The following TULP4 variants were observed in gnomAD, a reference collection of about 807,000 sequenced individuals.
TULP4 encodes the protein tubby-related protein 4.
A neutral mutation model predicts 129.0 loss-of-function variants in TULP4; 16 were observed. The ratio of observed to expected loss-of-function variants is 0.12; its 90% CI spans 0.08 to 0.19. The LOEUF is 0.19. Ranked by LOEUF, TULP4 falls within the 10% of genes least tolerant of loss-of-function variation. The pLI is 1.00. For synonymous variants in TULP4, 998 were observed against 854.0 expected, an observed-to-expected ratio of 1.17 and a Z score of -2.94; for missense variants, 1,842 against 2,059.1, an observed-to-expected ratio of 0.89 and a Z score of 2.04.
rs77132878 is a variant in TULP4 at position 158,472,144 on chromosome 6, G to A, written c.1027-7607G>A. ...AGGCTCCCCTTCTCTGTAAACCCTC[G>A]GGGTGTTTAACACCTCTGGCATGTA... On this transcript the variant is annotated intron_variant, in intron 6 of 13. Transcript: ENST00000367097. Among the ~76,000 whole-genome samples, 61 of 152,140 alleles carry A rather than the reference G, an allele frequency of 4.0e-4. 1 individual carries two copies. In the East Asian group the frequency reaches 0.01, roughly 26 times the overall value.
At chr6:158,270,718 C>T (rs1433380464) in intron 1 of TULP4, among the ~76,000 whole-genome samples, 1 of 152,202 alleles carries the variant, frequency 6.6e-6, no homozygotes, top group Non-Finnish European at 1.5e-5. Flanking sequence ...AAAATTTCTT[C>T]CTGAAGTTTT....
In TULP4 at chr6:158,348,966, C is replaced by T. The variant is rs187549770; in HGVS notation, c.252+34698C>T. Among the ~76,000 whole-genome samples the T allele has an allele frequency of 8.7e-3, 1,213 of 140,040 alleles. 1 individual carries two copies. Among genetic ancestry groups the T allele is most frequent in the African/African-American group, 0.032 (1,148 of 35,908 alleles). The allele number at this position is 140,040 out of a possible 152,430, so 91.9% of individuals were successfully genotyped here. On this transcript the variant is annotated intron_variant, in intron 1 of 13. Transcript: ENST00000367097. ...CAGATGAAGGGCGGCCGGGCAGAGG[C>T]GCTCCCCATTTCCCAGATGGGGCAG...
At chr6:158,504,712 A>C (rs117061303) in intron 13 of TULP4, among the ~76,000 whole-genome samples, 1 of 151,484 alleles carries the variant, frequency 6.6e-6, no homozygotes, top group African/African-American at 2.4e-5. Flanking sequence ...ATTGGTCTCA[A>C]ACTCCTGGGT....
In TULP4 at chr6:158,502,588, C is replaced by T. The variant is rs1780481218; in HGVS notation, c.2925C>T (p.Ala975=). Residue 975 remains alanine (A), a synonymous_variant, in exon 13 of 14, where the codon GCC becomes GCT. Coordinates refer to ENST00000367097, the MANE Select transcript of TULP4 (RefSeq NM_020245.5). ...ASQLAQGRGA[A]QRSDNSLIHA... is the part of the protein sequence containing the mutation. ...AGCTGGCCCAGGGGCGGGGGGCTGC[C>T]CAGAGGTCCGACAATAGCCTCATCC... 1 of 1,602,368 alleles carries T rather than the reference C, an allele frequency of 6.2e-7. No individual in the cohort carries two copies. Among genetic ancestry groups the T allele is most frequent in the Non-Finnish European group, 8.5e-7 (1 of 1,179,804 alleles).
intron 1 of TULP4, among the ~76,000 whole-genome samples, chr6:158,390,095 A>G (rs1777550289): frequency 6.6e-6 from 1 of 152,164 alleles, no homozygotes; most frequent in African/African-American, 2.4e-5. Flanking sequence ...AATTTAAATT[A>G]CGTAAGTCAT....
chr6:158,504,271 G>A, intron 13 of TULP4, 93 bp downstream of exon 13: 9 of 1,048,820 alleles, frequency 8.6e-6, no homozygotes, highest in Non-Finnish European at 1.2e-5. Context: ...GGCCAAATGG[G>A]AAATGTGGAA....
At chr6:158,232,556 C>T (rs1212101253) in intron 1 of TULP4, among the ~76,000 whole-genome samples, 1 of 151,762 alleles carries the variant, frequency 6.6e-6, no homozygotes, top group East Asian at 1.9e-4. Context: ...AGCCTTTTGT[C>T]TCCGCGTGTG....
chr6:158,339,154 A>G (rs1301516028), intron 1 of TULP4, among the ~76,000 whole-genome samples: 1 of 152,132 alleles, frequency 6.6e-6, no homozygotes, highest in East Asian at 1.9e-4. Flanking sequence ...TACAAAAGAG[A>G]GAAATTTTAA....
At chr6:158,357,771 G>T (rs150411973) in intron 1 of TULP4, among the ~76,000 whole-genome samples, 2 of 152,354 alleles carry the variant, frequency 1.3e-5, no homozygotes, top group African/African-American at 4.8e-5. Context: ...GTCAGGCAGA[G>T]AATTTTCACT....
intron 12 of TULP4, among the ~76,000 whole-genome samples, chr6:158,500,893 C>T (rs145597824): frequency 6.6e-6 from 1 of 152,266 alleles, no homozygotes; most frequent in African/African-American, 2.4e-5. Context: ...GGCAAAACCC[C>T]ATATCTACTA....
chr6:158,408,129 G>C (rs1778007600), intron 1 of TULP4, among the ~76,000 whole-genome samples: 1 of 152,234 alleles, frequency 6.6e-6, no homozygotes, highest in African/African-American at 2.4e-5. Context: ...TCAGTCTGGT[G>C]TGGAACATTT....
chr6:158,350,042 C>T (rs1780467551), intron 1 of TULP4, among the ~76,000 whole-genome samples: 1 of 137,652 alleles, frequency 7.3e-6, no homozygotes. Flanking sequence ...GCGCTCCTCA[C>T]TTCCTCCCAG....
upstream of TULP4, among the ~76,000 whole-genome samples, chr6:158,308,780 G>A (rs1421337545): frequency 1.1e-4 from 16 of 142,480 alleles, no homozygotes; most frequent in African/African-American, 2.4e-4. Context: ...CCTCCCTCCC[G>A]GACGGGGCAG....
At position 158,493,130 on chromosome 6, in the gene TULP4, A is replaced by C. The variant is rs544896780; in HGVS notation, c.1632-443A>C. On this transcript the variant is annotated intron_variant, in intron 9 of 13. Transcript: ENST00000367097. The surrounding 1 kb of genome is among the most constrained non-coding windows in gnomAD (Gnocchi z 4.4). ...TCCAAGGCAACAGAGAGTGAAAGAC[A>C]GTTAATTCTTTGAGTTCCTTACAAA... Among the ~76,000 whole-genome samples the C allele has an allele frequency of 2.6e-5, 4 of 152,346 alleles. No individual in the cohort carries two copies. Among genetic ancestry groups the C allele is most frequent in the Non-Finnish European group, 5.9e-5 (4 of 68,032 alleles).
intron 1 of TULP4, among the ~76,000 whole-genome samples, chr6:158,343,104 G>T (rs924636197): frequency 8.5e-5 from 13 of 152,130 alleles, no homozygotes; most frequent in African/African-American, 2.9e-4. Flanking sequence ...GGGCCTCCAG[G>T]AGGAGTAGGA....
intron 8 of TULP4, among the ~76,000 whole-genome samples, chr6:158,485,477 G>A (rs1381205379): frequency 6.6e-6 from 1 of 152,260 alleles, no homozygotes; most frequent in African/African-American, 2.4e-5. Context: ...CAGGATGAAA[G>A]GAAGGAGAGA....
At position 158,510,561 on chromosome 6, in the gene TULP4, A is replaced by G. The variant is rs998275604; in HGVS notation, c.*3867A>G. ...CACACCATTGCCTTTGTGTAGAGAA[A>G]TATTTCTTTTCCTGTGTTAATGAGC... is the stretch of plus-strand genomic sequence containing the variant. On this transcript the variant is annotated 3_prime_UTR_variant, in exon 14 of 14. Transcript: ENST00000367097. The G allele has an allele frequency of 6.6e-6, 1 of 152,210 alleles. No homozygotes were observed. The highest frequency in any genetic ancestry group is 1.5e-5 in the Non-Finnish European group (1 of 68,034). The allele number at this position is 152,210 out of a possible 1,614,324, so 9.4% of individuals were successfully genotyped here.
intron 1 of TULP4, among the ~76,000 whole-genome samples, chr6:158,319,134 C>T (rs902568499): frequency 6.6e-6 from 1 of 152,074 alleles, no homozygotes; most frequent in African/African-American, 2.4e-5. Context: ...GATGTGAAGC[C>T]GCTGGTTGTT....
rs1243143989 is a variant in TULP4, at chr6:158,312,906, T to C, written c.-1111T>C. On this transcript the variant is annotated 5_prime_UTR_variant, in exon 1 of 14. Coordinates refer to ENST00000367097, the MANE Select transcript of TULP4 (RefSeq NM_020245.5). ...GGAATCTGACTCTGGCTTCTGCTTT[T>C]GTTTTAAGGGATTAACTTCCCTGTC... The C allele has an allele frequency of 1.3e-5, 2 of 152,222 alleles. No homozygotes were observed. Among genetic ancestry groups the C allele is most frequent in the Non-Finnish European group, 2.9e-5 (2 of 68,052 alleles). 9.4% of individuals were successfully genotyped at this position (152,222 alleles called of 1,614,324 possible). A position where few individuals can be genotyped will look rare whatever the true frequency, so the allele number is the denominator to read the frequency against.
Sources: allele counts gnomAD v4.1 joint callset (sites outside exome capture counted in the v4.1 genomes callset), GRCh38; gene constraint gnomAD v4.1.1; non-coding constraint Gnocchi (gnomAD v3.1); transcripts MANE v1.5; gene names NCBI Gene and HGNC (gene_info 2026-07-23, HGNC 2026-07-21).